KLHL15: variants seen among roughly 807,000 people sequenced by gnomAD.
The protein encoded by KLHL15 is kelch-like protein 15.
KLHL15 carries 1 observed loss-of-function variant against 29.3 expected under a neutral mutation model. The observed-to-expected ratio is 0.03, with a 90% confidence interval of 0.01 to 0.16. KLHL15 has a LOEUF of 0.16. Among genes scored for constraint, KLHL15 ranks in the 10% least tolerant of loss-of-function variants. The pLI is 1.00. For missense variants in KLHL15, 215 were observed against 478.5 expected (o/e 0.45, Z 5.14); for synonymous variants, 212 against 184.5 (o/e 1.15, Z -1.21).
rs1040263603 is a variant in KLHL15, at chrX:23,986,744, T to A, written c.*1177A>T. ...AAAACCAGTAACATTATAATTCTAT[T>A]TCTTACCTCTAAGTCAAAACTGAGG... On this transcript the variant is annotated 3_prime_UTR_variant, in exon 4 of 4. Coordinates refer to ENST00000328046, the MANE Select transcript of KLHL15 (RefSeq NM_030624.3). 1 of 112,139 alleles carries A rather than the reference T, an allele frequency of 8.9e-6. No homozygotes were observed. The highest frequency in any genetic ancestry group is 1.9e-5 in the Non-Finnish European group (1 of 53,206). 9.2% of individuals were successfully genotyped at this position (112,139 alleles called of 1,213,427 possible).
chrX:24,009,891 GAGGC>G (rs1239290451), intron 2 of KLHL15, among the ~76,000 whole-genome samples: 2 of 100,927 alleles, frequency 2.0e-5, no homozygotes, highest in Non-Finnish European at 4.0e-5. Context: ...TTGGGAGGCT[GAGGC>G]AGGAGAATCG....
Position 24,017,779 on chromosome X carries a change from CAAAAA to C in KLHL15, c.-8+7073_-8+7077del, listed in dbSNP as rs531099917. On this transcript the variant is annotated intron_variant, in intron 2 of 3. Coordinates refer to ENST00000328046, the MANE Select transcript of KLHL15 (RefSeq NM_030624.3). Reference sequence around the variant, plus strand: ...TGGGCAACAGAGTGAGACCATGTCCCAAAAAAAAAAAAAAAAAAAAAAAAAAATTG... The same window carrying C: ...TGGGCAACAGAGTGAGACCATGTCCCAAAAAAAAAAAAAAAAAAAAAATTG... Among the ~76,000 whole-genome samples the C allele has an allele frequency of 8.5e-4, 36 of 42,490 alleles. 1 individual carries two copies. Among genetic ancestry groups the C allele is most frequent in the African/African-American group, 2.9e-3 (34 of 11,577 alleles). 36.9% of individuals were successfully genotyped at this position (42,490 alleles called of 115,157 possible).
At chrX:23,994,046 CAAAAA>C (rs35880434) in intron 3 of KLHL15, among the ~76,000 whole-genome samples, 1 of 57,803 alleles carries the variant, frequency 1.7e-5, no homozygotes. Context: ...GACCTTGTCT[CAAAAA>C]AAAAAAAAAA....
chrX:23,992,608 T>C (rs993027640), intron 3 of KLHL15, among the ~76,000 whole-genome samples: 1 of 112,034 alleles, frequency 8.9e-6, no homozygotes, highest in Non-Finnish European at 1.9e-5. Context: ...AGATTTCAAG[T>C]TTTTCAAAGG....
At chrX:24,026,611 C>G (rs1454104687) in intron 1 of KLHL15, among the ~76,000 whole-genome samples, 2 of 100,580 alleles carry the variant, frequency 2.0e-5, no homozygotes, top group African/African-American at 7.3e-5. Context: ...ACCAATATCC[C>G]GATGAACTTT....
chrX:23,999,378 G>A (rs1006963992), intron 3 of KLHL15, among the ~76,000 whole-genome samples: 8 of 107,965 alleles, frequency 7.4e-5, no homozygotes, highest in African/African-American at 2.3e-4. Context: ...GACGGATCAC[G>A]AGGTCAGGAG....
intron 2 of KLHL15, among the ~76,000 whole-genome samples, chrX:24,008,231 G>A (rs1188320281): frequency 8.9e-6 from 1 of 111,875 alleles, no homozygotes; most frequent in Non-Finnish European, 1.9e-5. Flanking sequence ...AAATACAGCG[G>A]AATAAACTAA....
chrX:24,005,867 A>G (rs1050065822), intron 3 of KLHL15, 122 bp downstream of exon 3: 33 of 520,942 alleles, frequency 6.3e-5, no homozygotes, highest in Non-Finnish European at 9.9e-5. Context: ...CTTGAATAAC[A>G]TAAGAAATAA....
At chrX:23,997,166 A>G (rs1011054775) in intron 3 of KLHL15, among the ~76,000 whole-genome samples, 34 of 112,595 alleles carry the variant, frequency 3.0e-4, no homozygotes, top group African/African-American at 1.1e-3. Flanking sequence ...ACAATTTGGT[A>G]AAGTTCTCTA....
At chrX:24,019,916 G>A (rs1929770510) in intron 2 of KLHL15, among the ~76,000 whole-genome samples, 1 of 112,303 alleles carries the variant, frequency 8.9e-6, no homozygotes, top group Admixed American at 9.5e-5. Context: ...TAACCTCTAT[G>A]TTTGTGCCAT....
At chrX:24,024,585 G>A (rs1929881625) in intron 2 of KLHL15, among the ~76,000 whole-genome samples, 1 of 112,709 alleles carries the variant, frequency 8.9e-6, no homozygotes, top group Non-Finnish European at 1.9e-5. Flanking sequence ...TAAAGGGAAG[G>A]AACGGGTTAG....
At chrX:24,007,637 C>A (rs377248366) in intron 2 of KLHL15, among the ~76,000 whole-genome samples, 1 of 105,104 alleles carries the variant, frequency 9.5e-6, no homozygotes, top group Non-Finnish European at 1.9e-5. Flanking sequence ...AAATTAGCAA[C>A]ATAAAAATGA....
At chrX:24,002,005 C>T (rs1239018830) in intron 3 of KLHL15, among the ~76,000 whole-genome samples, 3 of 107,005 alleles carry the variant, frequency 2.8e-5, no homozygotes, top group Non-Finnish European at 3.8e-5. Flanking sequence ...TGGTGGCGGG[C>T]GCCTGTAGTC....
chrX:24,001,591 G>T (rs1243485768), intron 3 of KLHL15, among the ~76,000 whole-genome samples: 1 of 105,447 alleles, frequency 9.5e-6, no homozygotes, highest in East Asian at 3.1e-4. Flanking sequence ...ATCACTTGAG[G>T]TCAGGAGTTT....
At chrX:23,992,296 C>T (rs1173550988) in intron 3 of KLHL15, among the ~76,000 whole-genome samples, 1 of 112,124 alleles carries the variant, frequency 8.9e-6, no homozygotes, top group Non-Finnish European at 1.9e-5. Flanking sequence ...AGTATGGTGC[C>T]TGTCGTGTGG....
chrX:24,014,040 G>A (rs1287446512), intron 2 of KLHL15, among the ~76,000 whole-genome samples: 2 of 106,728 alleles, frequency 1.9e-5, no homozygotes, highest in Non-Finnish European at 3.9e-5. Context: ...GGCTGAGGCA[G>A]AAGGAGCACT....
intron 2 of KLHL15, among the ~76,000 whole-genome samples, chrX:24,015,482 C>T (rs1329312680): frequency 8.9e-6 from 1 of 112,392 alleles, no homozygotes. Context: ...AAGACTACAA[C>T]TTTAGAGGAG....
intron 3 of KLHL15, among the ~76,000 whole-genome samples, chrX:24,003,311 C>G (rs1205955165): frequency 9.1e-6 from 1 of 109,530 alleles, no homozygotes; most frequent in East Asian, 2.9e-4. Flanking sequence ...TTTGGGAGGC[C>G]GAGGCAGGCG....
chrX:24,008,884 C>CAA lies in KLHL15; in HGVS notation c.-7-2186_-7-2185dup, dbSNP rs1230847970. The stretch of plus-strand genomic sequence containing the variant: ...CCACGCGTGTTAGAAAAAAAAAAAA[C>CAA]AAAACAAAAAAAAAACTTTTAGAGC... On this transcript the variant is annotated intron_variant, in intron 2 of 3. Transcript: ENST00000328046. Among the ~76,000 whole-genome samples, 9 of 98,755 alleles carry CAA rather than the reference C, an allele frequency of 9.1e-5. No individual in the cohort carries two copies. The South Asian group carries it at 1.4e-3, about 15-fold the overall frequency. The allele number at this position is 98,755 out of a possible 115,157, so 85.8% of individuals were successfully genotyped here.
Sources: allele counts gnomAD v4.1 joint callset (sites outside exome capture counted in the v4.1 genomes callset), GRCh38; gene constraint gnomAD v4.1.1; transcripts MANE v1.5; gene names NCBI Gene and HGNC (gene_info 2026-07-23, HGNC 2026-07-21).